The following AFG2A variants were observed in gnomAD, a reference collection of about 807,000 sequenced individuals.
AFG2A encodes the protein AAA ATPase AFG2A, also known as ATPase family gene 2 protein homolog A.
the AFG2A span, chr4:122,938,067 T>A: frequency 6.9e-7 from 1 of 1,448,724 alleles, no homozygotes; most frequent in South Asian, 1.6e-5. Context: ...AAATTAAAAC[T>A]AAGTAAAACT....
chr4:123,306,309 T>C, the AFG2A span, among the ~76,000 whole-genome samples: 1 of 152,200 alleles, frequency 6.6e-6, no homozygotes, highest in African/African-American at 2.4e-5. Flanking sequence ...TTGTCAGATA[T>C]TCGATCGTCA....
chr4:123,124,838 G>C, the AFG2A span, among the ~76,000 whole-genome samples: 2 of 152,160 alleles, frequency 1.3e-5, no homozygotes, highest in African/African-American at 2.4e-5. Context: ...TGAATGAATT[G>C]AAATCTAACT....
the AFG2A span, among the ~76,000 whole-genome samples, chr4:123,195,876 A>G: frequency 6.6e-6 from 1 of 152,190 alleles, no homozygotes; most frequent in Admixed American, 6.6e-5. Flanking sequence ...CAGCTTCCCT[A>G]TATTTTTCCC....
At chr4:123,099,256 A>G in the AFG2A span, among the ~76,000 whole-genome samples, 1 of 151,772 alleles carries the variant, frequency 6.6e-6, no homozygotes, top group Non-Finnish European at 1.5e-5. Flanking sequence ...AGATTTTAAC[A>G]CCTTATCAGG....
the AFG2A span, among the ~76,000 whole-genome samples, chr4:123,011,020 TC>T: frequency 6.6e-6 from 1 of 152,250 alleles, no homozygotes; most frequent in Admixed American, 6.5e-5. Context: ...TCTAATACTT[TC>T]TTCACTCTTT....
the AFG2A span, among the ~76,000 whole-genome samples, chr4:122,986,345 A>G: frequency 6.6e-6 from 1 of 152,170 alleles, no homozygotes; most frequent in Admixed American, 6.5e-5. Flanking sequence ...TTCCGTCTTG[A>G]TGACCTGTCT....
At chr4:123,176,118 C>G in the AFG2A span, among the ~76,000 whole-genome samples, 2 of 152,194 alleles carry the variant, frequency 1.3e-5, no homozygotes, top group African/African-American at 4.8e-5. Flanking sequence ...TTGAGTGAAG[C>G]TAATGGTGTA....
chr4:123,223,034 ATTC>A, the AFG2A span, among the ~76,000 whole-genome samples: 1 of 152,100 alleles, frequency 6.6e-6, no homozygotes, highest in Non-Finnish European at 1.5e-5. Context: ...CCTGGTTTTA[ATTC>A]TTCTTGACAA....
chr4:123,297,071 C>T, the AFG2A span, among the ~76,000 whole-genome samples: 8 of 152,096 alleles, frequency 5.3e-5, no homozygotes, highest in East Asian at 9.6e-4. Context: ...CAAACTGAAC[C>T]GCCCCAGATT....
chr4:123,097,348 G>A, the AFG2A span, among the ~76,000 whole-genome samples: 1 of 108,368 alleles, frequency 9.2e-6, no homozygotes. Flanking sequence ...ACTCTTCTTA[G>A]CTAAGTCAGA....
the AFG2A span, among the ~76,000 whole-genome samples, chr4:123,265,940 T>C: frequency 6.6e-6 from 1 of 152,062 alleles, no homozygotes; most frequent in Non-Finnish European, 1.5e-5. Context: ...CCATTTAATC[T>C]GTGCTTCCTC....
the AFG2A span, chr4:122,934,140 C>T: frequency 6.2e-7 from 1 of 1,613,716 alleles, no homozygotes; most frequent in African/African-American, 1.3e-5. Context: ...ATTGTACATT[C>T]TATGGACGAC....
At chr4:123,150,213 A>T in the AFG2A span, among the ~76,000 whole-genome samples, 1 of 152,204 alleles carries the variant, frequency 6.6e-6, no homozygotes, top group Non-Finnish European at 1.5e-5. Flanking sequence ...GAAAACTGGC[A>T]CAAGACAAGG....
chr4:123,116,768 G>A, the AFG2A span, among the ~76,000 whole-genome samples: 1 of 152,136 alleles, frequency 6.6e-6, no homozygotes, highest in Non-Finnish European at 1.5e-5. Flanking sequence ...CACAGTCTTC[G>A]AAAAATGTTC....
At chr4:123,074,305 G>GGTTCA in the AFG2A span, among the ~76,000 whole-genome samples, 1 of 151,802 alleles carries the variant, frequency 6.6e-6, no homozygotes, top group Admixed American at 6.6e-5. Flanking sequence ...CTGTTGGCCA[G>GGTTCA]GCTGGTCTTG....
the AFG2A span, among the ~76,000 whole-genome samples, chr4:122,964,798 A>T: frequency 3.9e-5 from 6 of 152,186 alleles, no homozygotes; most frequent in East Asian, 1.2e-3. Context: ...TAATATAAAT[A>T]AGGTGAGAAC....
chr4:123,005,108 C>G, the AFG2A span, among the ~76,000 whole-genome samples: 1 of 151,972 alleles, frequency 6.6e-6, no homozygotes, highest in African/African-American at 2.4e-5. Flanking sequence ...TTTTCCTTGG[C>G]TAGAGGTCTG....
the AFG2A span, among the ~76,000 whole-genome samples, chr4:123,215,349 A>AT: frequency 2.0e-5 from 3 of 152,008 alleles, no homozygotes; most frequent in East Asian, 5.8e-4. Flanking sequence ...CAATTATTGT[A>AT]TTTTTTAAAG....
At chr4:123,249,367 T>C in the AFG2A span, among the ~76,000 whole-genome samples, 1 of 152,204 alleles carries the variant, frequency 6.6e-6, no homozygotes, top group Non-Finnish European at 1.5e-5. Flanking sequence ...CAAGTTTCTA[T>C]GATTTTAGTG....
Sources: allele counts gnomAD v4.1 joint callset (sites outside exome capture counted in the v4.1 genomes callset), GRCh38; gene constraint gnomAD v4.1.1; transcripts MANE v1.5; gene names NCBI Gene and HGNC (gene_info 2026-07-23, HGNC 2026-07-21).